Variants in DKK2 observed in about 807,000 individuals in gnomAD.
DKK2 encodes the protein dickkopf Wnt signaling pathway inhibitor 2, also known as dickkopf-related protein 2.
Under a neutral mutation model 28.1 loss-of-function variants are expected in DKK2, and 11 were observed. That is an observed-to-expected ratio of 0.39 (90% CI 0.25 to 0.65). The LOEUF (loss-of-function observed/expected upper bound fraction) is 0.65. Among genes scored for constraint, DKK2 ranks in the 30% least tolerant of loss-of-function variants. DKK2 has a pLI of 0.47. For synonymous variants in DKK2, 135 were observed against 126.5 expected (o/e 1.07, Z -0.45); for missense variants, 326 against 335.5 (o/e 0.97, Z 0.22).
intron 1 of DKK2, among the ~76,000 whole-genome samples, chr4:107,025,827 G>T (rs191346239): frequency 6.6e-6 from 1 of 152,318 alleles, no homozygotes; most frequent in East Asian, 1.9e-4. Flanking sequence ...CAAATTTAGA[G>T]CTGAAAAACT....
chr4:106,941,490 C>T (rs1724698251), intron 1 of DKK2, among the ~76,000 whole-genome samples: 1 of 152,148 alleles, frequency 6.6e-6, no homozygotes, highest in Non-Finnish European at 1.5e-5. Flanking sequence ...CCTATATTTA[C>T]ATAACCTGTA....
intron 1 of DKK2, among the ~76,000 whole-genome samples, chr4:106,982,925 GGGAAAGAAAGAA>G (rs1341862912): frequency 1.8e-4 from 26 of 142,840 alleles, no homozygotes; most frequent in African/African-American, 6.0e-4. Context: ...ACATTGGGGA[GGGAAAGAAAGAA>G]GGAAAGAAAG....
intron 1 of DKK2, among the ~76,000 whole-genome samples, 172 bp downstream of exon 1, chr4:107,035,198 C>A (rs950397546): frequency 2.6e-5 from 4 of 152,086 alleles, no homozygotes; most frequent in African/African-American, 9.7e-5. Flanking sequence ...CAGCAGCCAC[C>A]CAGACACCCC....
chr4:106,987,514 A>G (rs1723137856), intron 1 of DKK2, among the ~76,000 whole-genome samples: 1 of 152,192 alleles, frequency 6.6e-6, no homozygotes, highest in South Asian at 2.1e-4. Flanking sequence ...GGGGCTGTCA[A>G]TCAGGACATC....
rs958108086 is a variant in DKK2 at position 106,970,365 on chromosome 4, A to G, written c.223-44416T>C. 5.9e-5 allele frequency among the ~76,000 whole-genome samples: 9 copies of G among 152,178 alleles called. 1 individual carries two copies. The highest frequency in any genetic ancestry group is 5.9e-4 in the Admixed American group (9 of 15,256). On this transcript the variant is annotated intron_variant, in intron 1 of 3. Transcript: ENST00000285311. ...GTAATGGTTACCTATTTTTGCCAAT[A>G]TCACTCTAGAGGTATGGTGAGATGA...
intron 1 of DKK2, among the ~76,000 whole-genome samples, chr4:107,010,659 T>A (rs1241802867): frequency 6.6e-6 from 1 of 151,436 alleles, no homozygotes; most frequent in African/African-American, 2.4e-5. Context: ...GTCCTGAAAC[T>A]CCTGAAAATT....
intron 1 of DKK2, among the ~76,000 whole-genome samples, chr4:106,970,824 G>A (rs565119621): frequency 1.9e-4 from 29 of 152,188 alleles, no homozygotes; most frequent in Admixed American, 6.6e-4. Context: ...AAAACTGGTG[G>A]TCAGTTTCAA....
chr4:106,938,801 T>C (rs1442778752), intron 1 of DKK2, among the ~76,000 whole-genome samples: 1 of 151,494 alleles, frequency 6.6e-6, no homozygotes, highest in Non-Finnish European at 1.5e-5. Flanking sequence ...GCAAGGCTGG[T>C]TCAATATACG....
intron 1 of DKK2, among the ~76,000 whole-genome samples, chr4:107,028,230 T>C (rs1460001271): frequency 6.6e-6 from 1 of 152,226 alleles, no homozygotes; most frequent in East Asian, 1.9e-4. Flanking sequence ...ATGTTTATTT[T>C]GTCTTGTTTT....
chr4:106,955,304 T>C (rs1225893111), intron 1 of DKK2, among the ~76,000 whole-genome samples: 1 of 152,194 alleles, frequency 6.6e-6, no homozygotes, highest in Non-Finnish European at 1.5e-5. Flanking sequence ...ACCCCTTCTT[T>C]AGAAGTTGGA....
rs373542751 is a variant in DKK2 at position 106,925,846 on chromosome 4, C to T, written c.326G>A (p.Arg109His). Residue 109 changes from arginine (R) to histidine (H), a missense_variant, in exon 2 of 4, where the codon CGC becomes CAC. Arg to His is a conservative substitution (Grantham distance 29). Coordinates refer to ENST00000285311, the MANE Select transcript of DKK2 (RefSeq NM_014421.3). ...GCAGCACATGCCATCTCGGTGGCAG[C>T]GCTTCTTTTTTCTCCGACACACCAT... ...ACMVCRRKKK[R>H]CHRDGMCCPS... 2.2e-5 allele frequency: 35 copies of T among 1,612,966 alleles called. No homozygotes were observed. The highest frequency in any genetic ancestry group is 1.6e-4 in the Middle Eastern group (1 of 6,074).
intron 1 of DKK2, among the ~76,000 whole-genome samples, chr4:106,932,538 G>A (rs1401322771): frequency 2.6e-5 from 4 of 152,112 alleles, no homozygotes; most frequent in Non-Finnish European, 4.4e-5. Context: ...AGCTCCTAGA[G>A]ATATCTAAAC....
At chr4:107,016,505 G>T (rs79151481) in intron 1 of DKK2, among the ~76,000 whole-genome samples, 1 of 151,974 alleles carries the variant, frequency 6.6e-6, no homozygotes, top group African/African-American at 2.4e-5. Flanking sequence ...TTCTTAGAAA[G>T]CTCTGCTCTG....
At chr4:106,976,892 A>T (rs1034300892) in intron 1 of DKK2, among the ~76,000 whole-genome samples, 1 of 151,942 alleles carries the variant, frequency 6.6e-6, no homozygotes, top group African/African-American at 2.4e-5. Flanking sequence ...TTTCTATTCC[A>T]TATTGAGTGC....
intron 1 of DKK2, among the ~76,000 whole-genome samples, chr4:106,946,066 T>C (rs1724771467): frequency 6.6e-6 from 1 of 152,180 alleles, no homozygotes; most frequent in African/African-American, 2.4e-5. Flanking sequence ...ATGTACTTTT[T>C]ACAAAATGAT....
At chr4:107,010,291 C>T (rs1469567151) in intron 1 of DKK2, among the ~76,000 whole-genome samples, 2 of 151,564 alleles carry the variant, frequency 1.3e-5, no homozygotes, top group African/African-American at 4.8e-5. Flanking sequence ...TGGCTTTAAC[C>T]CCTTATTAGG....
At chr4:107,032,478 T>C (rs2110378729) in intron 1 of DKK2, among the ~76,000 whole-genome samples, 1 of 152,254 alleles carries the variant, frequency 6.6e-6, no homozygotes, top group East Asian at 1.9e-4. Flanking sequence ...ATAGAGCTCA[T>C]ATAGTCTCAT....
intron 1 of DKK2, among the ~76,000 whole-genome samples, chr4:106,951,453 A>G (rs1351681088): frequency 6.6e-6 from 1 of 152,214 alleles, no homozygotes; most frequent in African/African-American, 2.4e-5. Context: ...TCAGCGGGTG[A>G]ATGGATAAAG....
intron 1 of DKK2, among the ~76,000 whole-genome samples, chr4:106,938,911 A>G (rs1434895889): frequency 6.6e-6 from 1 of 151,006 alleles, no homozygotes; most frequent in Non-Finnish European, 1.5e-5. Context: ...AAATTCAACA[A>G]CCCTTCATGC....
Sources: gnomAD v4.1 joint callset for allele counts (sites outside exome capture counted in the v4.1 genomes callset) on GRCh38, gnomAD v4.1.1 for gene constraint, MANE v1.5 for transcripts, NCBI Gene and HGNC (gene_info 2026-07-23, HGNC 2026-07-21) for gene names.